Variants in PIBF1 observed in about 807,000 individuals in gnomAD.
The protein encoded by PIBF1 is progesterone-induced-blocking factor 1.
Under a neutral mutation model 112.5 loss-of-function variants are expected in PIBF1, and 90 were observed. That is an observed-to-expected ratio of 0.80 (90% CI 0.67 to 0.95). PIBF1 has a LOEUF of 0.95. Among genes scored for constraint, PIBF1 ranks in the 40% least tolerant of loss-of-function variants. The pLI is 0.00. For synonymous variants in PIBF1, 301 were observed against 288.6 expected (o/e 1.04, Z -0.44); for missense variants, 915 against 852.3 (o/e 1.07, Z -0.92).
chr13:72,783,755 C>T (rs1455449459), intron 2 of PIBF1, 34 bp downstream of exon 2: 2 of 1,573,810 alleles, frequency 1.3e-6, no homozygotes, highest in Non-Finnish European at 1.7e-6. Context: ...GTTCTATATG[C>T]TTTATTGTCT....
intron 14 of PIBF1, among the ~76,000 whole-genome samples, chr13:72,958,519 C>G (rs1285624569): frequency 1.3e-5 from 2 of 152,080 alleles, no homozygotes; most frequent in African/African-American, 4.8e-5. Flanking sequence ...ACTACCATGT[C>G]CTTGCTTTAA....
In PIBF1 at chr13:72,965,373, G is replaced by C; in HGVS notation, c.1933G>C (p.Glu645Gln). The change falls in exon 15 of 18, where the codon GAA becomes CAA. Residue 645 changes from glutamate (E) to glutamine (Q), a missense_variant. Transcript: ENST00000326291. ...QRDSKIDSLT[E>Q]SIAQLEKDVS... ...AGATTCTAAGATTGATTCACTGACGGAATCTATTGCACAACTTGAGAAAGA... is the reference window on the plus strand; with the variant it reads ...AGATTCTAAGATTGATTCACTGACGCAATCTATTGCACAACTTGAGAAAGA... 6.2e-7 allele frequency: 1 copy of C among 1,610,732 alleles called. No individual in the cohort carries two copies. The highest frequency in any genetic ancestry group is 8.5e-7 in the Non-Finnish European group (1 of 1,178,108).
intron 14 of PIBF1, among the ~76,000 whole-genome samples, chr13:72,946,977 C>T (rs767621658): frequency 3.9e-5 from 6 of 152,302 alleles, no homozygotes; most frequent in Admixed American, 2.0e-4. Flanking sequence ...CGTCTTCTCA[C>T]GGCTCCACTA....
chr13:72,888,606 G>A lies in PIBF1; in HGVS notation c.1323-5178G>A, dbSNP rs147898080. Among the ~76,000 whole-genome samples, 40 of 151,968 alleles carry A rather than the reference G, an allele frequency of 2.6e-4. 1 individual carries two copies. The East Asian group carries it at 6.8e-3, about 26-fold the overall frequency. On this transcript the variant is annotated intron_variant, in intron 10 of 17. Transcript: ENST00000326291. ...TTTGAAACAATCTAAATGTTAATCC[G>A]TTTAGAATTAAATAAATTGGAATTA...
At chr13:72,788,275 G>T (rs956768523) in intron 2 of PIBF1, among the ~76,000 whole-genome samples, 4 of 152,064 alleles carry the variant, frequency 2.6e-5, no homozygotes, top group African/African-American at 9.7e-5. Flanking sequence ...TTCTATTTTG[G>T]AAAGAGATTG....
chr13:72,943,774 G>A (rs1446854702), intron 14 of PIBF1, among the ~76,000 whole-genome samples: 4 of 152,144 alleles, frequency 2.6e-5, no homozygotes, highest in Non-Finnish European at 4.4e-5. Context: ...ATGCCCCAGG[G>A]TTCTACCTTG....
At chr13:72,939,517 T>C (rs2041957049) in intron 14 of PIBF1, among the ~76,000 whole-genome samples, 1 of 152,190 alleles carries the variant, frequency 6.6e-6, no homozygotes, top group Admixed American at 6.5e-5. Flanking sequence ...TCACTGAGCA[T>C]ACTGTTTTTG....
rs945596748 is a variant in PIBF1 at position 72,976,324 on chromosome 13, GGAA to G, written c.2049+2660_2049+2662del. On this transcript the variant is annotated intron_variant, in intron 16 of 17. Transcript: ENST00000326291. ...GGAGGGAGGGTTAGAGGGAAGGAGA[GGAA>G]GAAGAAGAAGGAAGAAAGGAAGCGA... Among the ~76,000 whole-genome samples, 7 of 151,464 alleles carry G rather than the reference GGAA, an allele frequency of 4.6e-5. No individual in the cohort carries two copies. The South Asian group carries it at 6.2e-4, about 13-fold the overall frequency.
At chr13:72,901,029 A>T (rs913225175) in intron 11 of PIBF1, 1 of 432,986 alleles carries the variant, frequency 2.3e-6, no homozygotes, top group Non-Finnish European at 4.6e-6. Context: ...TCTCAAAACA[A>T]AAAGCAAAAA....
At chr13:72,828,285 T>A (rs573320845) in intron 8 of PIBF1, among the ~76,000 whole-genome samples, 2 of 151,350 alleles carry the variant, frequency 1.3e-5, no homozygotes, top group Non-Finnish European at 2.9e-5. Context: ...TTTTTTTTTT[T>A]ATAAATTATA....
chr13:72,837,331 A>G (rs1343702387), intron 9 of PIBF1, among the ~76,000 whole-genome samples: 1 of 152,096 alleles, frequency 6.6e-6, no homozygotes, highest in Non-Finnish European at 1.5e-5. Context: ...GGAGCACCAT[A>G]ATCTTTTATG....
chr13:72,859,249 T>G (rs1444848846), intron 10 of PIBF1, among the ~76,000 whole-genome samples: 3 of 152,084 alleles, frequency 2.0e-5, no homozygotes, highest in Non-Finnish European at 4.4e-5. Context: ...AAGACTACAT[T>G]TCAATTTTTA....
chr13:72,891,587 G>A (rs957457008), intron 10 of PIBF1, among the ~76,000 whole-genome samples: 2 of 151,956 alleles, frequency 1.3e-5, no homozygotes, highest in African/African-American at 4.8e-5. Flanking sequence ...TGGAGAAATT[G>A]GCACCCTCGT....
chr13:72,938,915 G>A (rs1249256517), intron 14 of PIBF1, among the ~76,000 whole-genome samples: 1 of 152,026 alleles, frequency 6.6e-6, no homozygotes, highest in Non-Finnish European at 1.5e-5. Context: ...CTCTAATTAG[G>A]TTAATAATGT....
intron 3 of PIBF1, among the ~76,000 whole-genome samples, chr13:72,794,968 T>C (rs1156893179): frequency 1.3e-5 from 2 of 152,204 alleles, no homozygotes; most frequent in East Asian, 3.9e-4. Context: ...CTTATGGTGG[T>C]TCAGTGTTAC....
At chr13:72,824,216 A>G (rs545522583) in intron 6 of PIBF1, among the ~76,000 whole-genome samples, 1 of 146,682 alleles carries the variant, frequency 6.8e-6, no homozygotes, top group African/African-American at 2.5e-5. Flanking sequence ...ACATGGTTCC[A>G]TGGTTGACCA....
At chr13:72,894,963 T>TA (rs1163892864) in intron 11 of PIBF1, among the ~76,000 whole-genome samples, 2 of 151,244 alleles carry the variant, frequency 1.3e-5, no homozygotes, top group African/African-American at 4.9e-5. Context: ...CGTCTACTAC[T>TA]AAAAAAATGT....
At chr13:72,950,756 G>A (rs865802443) in intron 14 of PIBF1, among the ~76,000 whole-genome samples, 3 of 152,210 alleles carry the variant, frequency 2.0e-5, no homozygotes, top group Admixed American at 6.5e-5. Flanking sequence ...TAGTGAATAA[G>A]ACACAGAAAT....
At chr13:72,908,995 C>T (rs1056145463) in intron 12 of PIBF1, among the ~76,000 whole-genome samples, 4 of 151,014 alleles carry the variant, frequency 2.6e-5, no homozygotes, top group South Asian at 2.1e-4. Context: ...CGCGTTGAGC[C>T]GAAATCATGC....
Sources: allele counts gnomAD v4.1 joint callset (sites outside exome capture counted in the v4.1 genomes callset), GRCh38; gene constraint gnomAD v4.1.1; transcripts MANE v1.5; gene names NCBI Gene and HGNC (gene_info 2026-07-23, HGNC 2026-07-21).